DPP10: variants seen among roughly 807,000 people sequenced by gnomAD.
DPP10 encodes the protein inactive dipeptidyl peptidase 10.
In DPP10, 33 loss-of-function variants were observed where a neutral mutation model predicts 120.9. The ratio of observed to expected loss-of-function variants is 0.27; its 90% confidence interval spans 0.21 to 0.37. The LOEUF is 0.37. Ranked by LOEUF, DPP10 falls within the 10% of genes least tolerant of loss-of-function variation. The pLI is 1.00. For synonymous variants in DPP10, 337 were observed against 326.1 expected (o/e 1.03, Z -0.36); for missense variants, 816 against 942.8 (o/e 0.87, Z 1.76).
intron 1 of DPP10, among the ~76,000 whole-genome samples, chr2:115,214,032 T>G (rs1291854367): frequency 6.6e-6 from 1 of 152,154 alleles, no homozygotes; most frequent in Non-Finnish European, 1.5e-5. Context: ...TATTTAGACT[T>G]TGGTTTTGTA....
At chr2:115,006,243 G>A (rs1361381800) in intron 1 of DPP10, among the ~76,000 whole-genome samples, 4 of 151,898 alleles carry the variant, frequency 2.6e-5, no homozygotes, top group Admixed American at 2.6e-4. Flanking sequence ...GGAACAACCG[G>A]TACCAGACAC....
chr2:114,952,104 A>G (rs1254199653), intron 1 of DPP10, among the ~76,000 whole-genome samples: 2 of 152,002 alleles, frequency 1.3e-5, no homozygotes, highest in African/African-American at 4.8e-5. Context: ...TACCAAACTA[A>G]CATATTAAAA....
At chr2:115,784,677 G>A (rs1393888540) in intron 17 of DPP10, among the ~76,000 whole-genome samples, 2 of 152,020 alleles carry the variant, frequency 1.3e-5, no homozygotes, top group Admixed American at 6.6e-5. Flanking sequence ...GGGATTACAG[G>A]CATGCATCAC....
chr2:114,873,409 G>T (rs980672904), intron 1 of DPP10, among the ~76,000 whole-genome samples: 5 of 152,162 alleles, frequency 3.3e-5, no homozygotes, highest in Non-Finnish European at 7.3e-5. Flanking sequence ...TTGTTTTTGT[G>T]CAATGTGGCT....
chr2:115,676,093 A>G (rs1454779619), intron 5 of DPP10, among the ~76,000 whole-genome samples: 2 of 152,168 alleles, frequency 1.3e-5, no homozygotes, highest in Non-Finnish European at 2.9e-5. Flanking sequence ...CCACCAGTTC[A>G]AGGCATAACA....
intron 1 of DPP10, among the ~76,000 whole-genome samples, chr2:115,002,267 T>C (rs1330825443): frequency 1.3e-5 from 2 of 152,010 alleles, no homozygotes; most frequent in Non-Finnish European, 2.9e-5. Context: ...AAATAAGCAA[T>C]GGGGAAGGGA....
chr2:114,865,024 C>T (rs575654545), intron 1 of DPP10, among the ~76,000 whole-genome samples: 1 of 152,314 alleles, frequency 6.6e-6, no homozygotes, highest in Non-Finnish European at 1.5e-5. Context: ...AACAGTAACT[C>T]ACCTAGATTT....
At chr2:115,360,849 C>T (rs772541844) in intron 3 of DPP10, among the ~76,000 whole-genome samples, 3 of 152,064 alleles carry the variant, frequency 2.0e-5, no homozygotes, top group Admixed American at 1.3e-4. Context: ...TTGATTCAGT[C>T]GGTCAGAGGT....
intron 21 of DPP10, among the ~76,000 whole-genome samples, chr2:115,835,011 G>C (rs1393457094): frequency 3.1e-5 from 4 of 128,416 alleles, no homozygotes; most frequent in Admixed American, 7.6e-5. Flanking sequence ...GCGTGAACCC[G>C]GGGGGCGGAG....
intron 1 of DPP10, among the ~76,000 whole-genome samples, chr2:114,483,258 T>TGGCAAC (rs1166989583): frequency 2.0e-5 from 3 of 152,170 alleles, no homozygotes; most frequent in Middle Eastern, 3.4e-3. Flanking sequence ...ATACTGAACT[T>TGGCAAC]GGCAACGGGG....
intron 1 of DPP10, among the ~76,000 whole-genome samples, chr2:115,188,960 C>T (rs1368824056): frequency 6.6e-6 from 1 of 152,166 alleles, no homozygotes; most frequent in Non-Finnish European, 1.5e-5. Context: ...CAATACTTCA[C>T]AGCTATAAAA....
chr2:114,898,445 A>T (rs1268934245), intron 1 of DPP10, among the ~76,000 whole-genome samples: 1 of 152,036 alleles, frequency 6.6e-6, no homozygotes, highest in African/African-American at 2.4e-5. Context: ...ACATGTATAC[A>T]TATGTAACTA....
At chr2:115,259,372 T>C (rs2059147900) in intron 1 of DPP10, among the ~76,000 whole-genome samples, 2 of 151,452 alleles carry the variant, frequency 1.3e-5, no homozygotes, top group Admixed American at 1.3e-4. Context: ...TAATCCCAGC[T>C]ACTTGGGAGG....
chr2:114,661,288 A>G lies in DPP10; in HGVS notation c.60+218450A>G, dbSNP rs1697382875. Among the ~76,000 whole-genome samples the G allele has an allele frequency of 2.0e-5, 3 of 152,180 alleles. No homozygotes were observed. The South Asian group carries it at 6.2e-4, about 32-fold the overall frequency. ...CAGCCATGCTTGACTTGACATTTGA[A>G]AATTCTCTAGTAAGGAATCAAGGTA... is the stretch of plus-strand genomic sequence containing the variant. On this transcript the variant is annotated intron_variant, in intron 1 of 25. Coordinates refer to ENST00000410059, the MANE Select transcript of DPP10 (RefSeq NM_020868.6).
intron 2 of DPP10, among the ~76,000 whole-genome samples, chr2:115,333,783 C>T (rs866786731): frequency 5.3e-5 from 8 of 151,892 alleles, no homozygotes; most frequent in Non-Finnish European, 7.4e-5. Context: ...GGGTTTCTGC[C>T]GAGAGATCCG....
rs569982046 is a variant in DPP10, at chr2:115,449,443, G to A, written c.272-50067G>A. Among the ~76,000 whole-genome samples the A allele has an allele frequency of 3.4e-3, 515 of 152,082 alleles. 3 individuals are homozygous for A. Among genetic ancestry groups the A allele is most frequent in the Non-Finnish European group, 5.6e-3 (381 of 67,944 alleles). On this transcript the variant is annotated intron_variant, in intron 3 of 25. Coordinates refer to ENST00000410059, the MANE Select transcript of DPP10 (RefSeq NM_020868.6). ...ACAATTCTATTAACAAGAGAGTGGG[G>A]GGCCAATATAATGTGGTCTATTAAC...
chr2:114,617,059 G>A (rs2105312567), intron 1 of DPP10, among the ~76,000 whole-genome samples: 1 of 152,174 alleles, frequency 6.6e-6, no homozygotes, highest in Admixed American at 6.6e-5. Context: ...AATTCATCAA[G>A]CACACGTTCT....
At chr2:115,357,393 T>A (rs114679794) in intron 3 of DPP10, among the ~76,000 whole-genome samples, 1 of 152,334 alleles carries the variant, frequency 6.6e-6, no homozygotes, top group Non-Finnish European at 1.5e-5. Context: ...AATAAGGCAG[T>A]CATAAACCTT....
intron 1 of DPP10, among the ~76,000 whole-genome samples, chr2:114,961,637 A>G (rs529137861): frequency 6.6e-6 from 1 of 152,312 alleles, no homozygotes; most frequent in African/African-American, 2.4e-5. Flanking sequence ...CTGAGAAATA[A>G]CTAAGGGTAT....
Sources: gnomAD v4.1 joint callset for allele counts (sites outside exome capture counted in the v4.1 genomes callset) on GRCh38, gnomAD v4.1.1 for gene constraint, MANE v1.5 for transcripts, NCBI Gene and HGNC (gene_info 2026-07-23, HGNC 2026-07-21) for gene names.